The following SGCD variants were observed in gnomAD, a reference collection of about 807,000 sequenced individuals.
SGCD encodes the protein sarcoglycan delta.
In SGCD, 18 loss-of-function variants were observed where a neutral mutation model predicts 36.6. The observed-to-expected ratio is 0.49, with a 90% CI of 0.34 to 0.73. SGCD has a LOEUF of 0.73. Ranked by LOEUF, SGCD falls within the 30% of genes least tolerant of loss-of-function variation. The pLI is 0.01. For synonymous variants in SGCD, 133 were observed against 130.6 expected (o/e 1.02, Z -0.12); for missense variants, 387 against 346.7 (o/e 1.12, Z -0.92).
At position 156,491,571 on chromosome 5, in the gene SGCD, G is replaced by A. The variant is rs116156676; in HGVS notation, c.193-17030G>A. ...CCAACAGATTTTCAAAATATTATGT[G>A]CACTCCATAAATAAGTACAATCATG... On this transcript the variant is annotated intron_variant, in intron 3 of 8. Transcript: ENST00000337851. 4.6e-3 allele frequency among the ~76,000 whole-genome samples: 694 copies of A among 152,128 alleles called. 4 individuals are homozygous for A. Among genetic ancestry groups the A allele is most frequent in the African/African-American group, 0.016 (655 of 41,528 alleles).
intron 4 of SGCD, among the ~76,000 whole-genome samples, chr5:156,557,908 A>G (rs964988097): frequency 4.0e-5 from 6 of 151,754 alleles, no homozygotes; most frequent in Middle Eastern, 3.4e-3. Flanking sequence ...ACCTGTGAAA[A>G]TTCTCACGTT....
At chr5:155,811,494 A>G in the SGCD span, among the ~76,000 whole-genome samples, 10 of 152,352 alleles carry the variant, frequency 6.6e-5, no homozygotes, top group African/African-American at 2.4e-4. Context: ...TGTCAGTCTG[A>G]TCTTGCTGTG....
chr5:156,289,500 C>T (rs2127677148), intron 3 of SGCD, among the ~76,000 whole-genome samples: 1 of 152,050 alleles, frequency 6.6e-6, no homozygotes, highest in East Asian at 1.9e-4. Context: ...TTGCTCCCCT[C>T]TCTGTGTCCA....
At position 156,499,778 on chromosome 5, in the gene SGCD, C is replaced by A. The variant is rs2127860923; in HGVS notation, c.193-8823C>A. 3.3e-5 allele frequency among the ~76,000 whole-genome samples: 5 copies of A among 152,254 alleles called. No individual in the cohort carries two copies. In the South Asian group the frequency reaches 1.0e-3, roughly 32 times the overall value. On this transcript the variant is annotated intron_variant, in intron 3 of 8. Transcript: ENST00000337851. ...TAAAGATTATATTAAGAAGTTTGTT[C>A]TTTTCTTTTGTTGCTATCATTCTGT...
intron 1 of SGCD, among the ~76,000 whole-genome samples, chr5:156,035,966 T>C (rs1165490176): frequency 6.6e-6 from 1 of 152,206 alleles, no homozygotes; most frequent in Non-Finnish European, 1.5e-5. Flanking sequence ...GTTAGTTATA[T>C]CACAGCTTTA....
At chr5:156,264,751 A>G (rs1383293986) in intron 3 of SGCD, among the ~76,000 whole-genome samples, 1 of 152,154 alleles carries the variant, frequency 6.6e-6, no homozygotes, top group Non-Finnish European at 1.5e-5. Flanking sequence ...ATGTTAACCA[A>G]GCTCAGAGCA....
intron 1 of SGCD, among the ~76,000 whole-genome samples, chr5:155,871,042 G>GTT (rs1249626259): frequency 1.3e-5 from 2 of 150,604 alleles, no homozygotes. Context: ...ATTGATTTCG[G>GTT]TTTTTTTTTG....
chr5:156,399,221 A>G (rs755035373), intron 3 of SGCD, among the ~76,000 whole-genome samples: 41 of 152,220 alleles, frequency 2.7e-4, no homozygotes, highest in Non-Finnish European at 5.7e-4. Context: ...GGAATTTGTC[A>G]GTAAATACAA....
At chr5:155,985,666 C>T (rs948320419) in intron 1 of SGCD, among the ~76,000 whole-genome samples, 11 of 152,236 alleles carry the variant, frequency 7.2e-5, no homozygotes, top group Non-Finnish European at 2.9e-5. Flanking sequence ...TCCCCTACTT[C>T]TGCAGATGTC....
the SGCD span, among the ~76,000 whole-genome samples, chr5:155,860,335 AC>A: frequency 1.3e-5 from 2 of 152,202 alleles, no homozygotes; most frequent in East Asian, 1.9e-4. Context: ...TGACATTTAA[AC>A]TTTTTTAACC....
intron 3 of SGCD, among the ~76,000 whole-genome samples, chr5:156,206,071 G>T: frequency 6.7e-6 from 1 of 149,518 alleles, no homozygotes; most frequent in Non-Finnish European, 1.5e-5. Flanking sequence ...TATATATGTA[G>T]ACTTACTCAT....
intron 1 of SGCD, among the ~76,000 whole-genome samples, chr5:156,068,350 C>A (rs1173034843): frequency 6.6e-6 from 1 of 151,792 alleles, no homozygotes; most frequent in Admixed American, 6.6e-5. Flanking sequence ...TCAATTCCCA[C>A]TTATGAGTGA....
At chr5:155,810,543 G>C in the SGCD span, among the ~76,000 whole-genome samples, 1 of 151,860 alleles carries the variant, frequency 6.6e-6, no homozygotes, top group South Asian at 2.1e-4. Context: ...GCTTTTGACT[G>C]GTTGCATCAT....
chr5:156,619,631 T>A (rs1211792298), intron 6 of SGCD, among the ~76,000 whole-genome samples: 2 of 152,222 alleles, frequency 1.3e-5, no homozygotes, highest in African/African-American at 2.4e-5. Flanking sequence ...CTGAGTAGAA[T>A]TTTTTCTTTT....
chr5:156,541,590 C>T (rs1406741347), intron 4 of SGCD, among the ~76,000 whole-genome samples: 1 of 151,974 alleles, frequency 6.6e-6, no homozygotes, highest in East Asian at 1.9e-4. Context: ...GTTAGTCTTG[C>T]CTAGGTCATA....
At chr5:155,896,092 T>C (rs1382527404) in intron 1 of SGCD, among the ~76,000 whole-genome samples, 1 of 152,238 alleles carries the variant, frequency 6.6e-6, no homozygotes, top group East Asian at 1.9e-4. Flanking sequence ...GAAATATTAA[T>C]AGAAATTTTA....
At chr5:155,814,296 G>A in the SGCD span, among the ~76,000 whole-genome samples, 2 of 152,096 alleles carry the variant, frequency 1.3e-5, no homozygotes, top group African/African-American at 2.4e-5. Flanking sequence ...CCATTTGTCT[G>A]GCTAGCCTCC....
At chr5:156,310,141 G>A (rs1031653754) in intron 3 of SGCD, among the ~76,000 whole-genome samples, 4 of 152,120 alleles carry the variant, frequency 2.6e-5, no homozygotes, top group African/African-American at 9.7e-5. Context: ...CATGCATAAT[G>A]ACTTTCTATA....
chr5:156,155,629 A>AAG (rs1762939689), intron 3 of SGCD, among the ~76,000 whole-genome samples: 1 of 150,974 alleles, frequency 6.6e-6, no homozygotes, highest in Non-Finnish European at 1.5e-5. Context: ...AAAAAAAAAA[A>AAG]AAGAAGCACA....
Sources: gnomAD v4.1 joint callset for allele counts (sites outside exome capture counted in the v4.1 genomes callset) on GRCh38, gnomAD v4.1.1 for gene constraint, MANE v1.5 for transcripts, NCBI Gene and HGNC (gene_info 2026-07-23, HGNC 2026-07-21) for gene names.